The following RPL21 variants were observed in gnomAD, a reference collection of about 807,000 sequenced individuals.
The protein encoded by RPL21 is large ribosomal subunit protein eL21.
In RPL21, 1 loss-of-function variant was observed where a neutral mutation model predicts 21.2. The ratio of observed to expected loss-of-function variants is 0.05; its 90% CI spans 0.02 to 0.22. The LOEUF (loss-of-function observed/expected upper bound fraction) is 0.22, where lower values mean the gene tolerates loss of function less well. Ranked by LOEUF, RPL21 falls within the 10% of genes least tolerant of loss-of-function variation. The pLI is 1.00. For missense variants in RPL21, 113 were observed against 199.4 expected, an observed-to-expected ratio of 0.57 and a Z score of 2.61; for synonymous variants, 52 against 62.9, an observed-to-expected ratio of 0.83 and a Z score of 0.82.
At chr13:27,253,308 T>C (rs1456073847) in intron 1 of RPL21, among the ~76,000 whole-genome samples, 1 of 152,244 alleles carries the variant, frequency 6.6e-6, no homozygotes, top group African/African-American at 2.4e-5. Flanking sequence ...GTTAAATAGA[T>C]GATGTTTGAG....
At chr13:27,255,973 A>G (rs1383938609) in intron 4 of RPL21, 1 of 554,816 alleles carries the variant, frequency 1.8e-6, no homozygotes, top group Non-Finnish European at 3.2e-6. Flanking sequence ...TCATCTCATC[A>G]AAGAGAGTTA....
At chr13:27,253,934 A>C (rs1045969582) in intron 2 of RPL21, 91 bp downstream of exon 2, 4 of 811,942 alleles carry the variant, frequency 4.9e-6, no homozygotes, top group Non-Finnish European at 8.8e-6. Context: ...AATGTGTATC[A>C]ATAGAATTAA....
chr13:27,254,328 G>A (rs775630222), intron 3 of RPL21, 47 bp downstream of exon 3: 2 of 1,109,448 alleles, frequency 1.8e-6, no homozygotes, highest in Admixed American at 3.4e-5. Context: ...TAGAAAAGTT[G>A]GATTTAATCT....
chr13:27,254,461 T>A (rs746430156), intron 3 of RPL21, 180 bp downstream of exon 3: 1 of 550,522 alleles, frequency 1.8e-6, no homozygotes, highest in Non-Finnish European at 3.1e-6. Context: ...AATGGCATGA[T>A]CTCACCTCAA....
intron 4 of RPL21, chr13:27,255,642 G>A: frequency 2.0e-6 from 1 of 494,788 alleles, no homozygotes; most frequent in Non-Finnish European, 3.9e-6. Context: ...TGGGATCTCT[G>A]CTCTCTGCAA....
intron 4 of RPL21, chr13:27,255,594 C>G: frequency 3.1e-6 from 2 of 640,262 alleles, no homozygotes; most frequent in Non-Finnish European, 5.8e-6. Flanking sequence ...TGTTTCGAGA[C>G]GGAGTCTTGC....
intron 4 of RPL21, chr13:27,255,576 G>GT (rs763891327): frequency 1.4e-6 from 1 of 699,184 alleles, no homozygotes; most frequent in Non-Finnish European, 2.6e-6. Context: ...TAAGCGGTTT[G>GT]TTTGTTTTGT....
chr13:27,252,355 A>T (rs1300180808), intron 1 of RPL21, among the ~76,000 whole-genome samples: 1 of 152,174 alleles, frequency 6.6e-6, no homozygotes, highest in Non-Finnish European at 1.5e-5. Flanking sequence ...CATTTTGTCT[A>T]GTTTGTGGAC....
At chr13:27,256,357 A>C in intron 5 of RPL21, 23 bp downstream of exon 5, 1 of 1,607,204 alleles carries the variant, frequency 6.2e-7, no homozygotes, top group South Asian at 1.1e-5. Context: ...TGTATATTTC[A>C]TTGGTTCTGA....
At chr13:27,255,626 C>A in intron 4 of RPL21, 1 of 541,440 alleles carries the variant, frequency 1.8e-6, no homozygotes, top group Non-Finnish European at 3.5e-6. Flanking sequence ...GGCTGGAGTG[C>A]AGTGGTGGGA....
chr13:27,256,100 TAATA>T, intron 4 of RPL21, 80 bp from the exon 5 acceptor site: 1 of 1,027,522 alleles, frequency 9.7e-7, no homozygotes, highest in Non-Finnish European at 1.5e-6. Context: ...ATGGTTTATT[TAATA>T]AATGAAACTG....
intron 1 of RPL21, among the ~76,000 whole-genome samples, chr13:27,252,165 C>T (rs756205512): frequency 6.6e-6 from 1 of 152,138 alleles, no homozygotes; most frequent in Non-Finnish European, 1.5e-5. Flanking sequence ...CCTCACTGCC[C>T]TTAGTTAATG....
chr13:27,256,052 C>T, intron 4 of RPL21, 132 bp from the exon 5 acceptor site: 1 of 709,292 alleles, frequency 1.4e-6, no homozygotes, highest in Middle Eastern at 3.8e-4. Context: ...GTAATCAAGG[C>T]ATACTTTGTT....
intron 1 of RPL21, among the ~76,000 whole-genome samples, chr13:27,252,575 T>G (rs926893561): frequency 6.6e-6 from 1 of 152,186 alleles, no homozygotes; most frequent in Non-Finnish European, 1.5e-5. Flanking sequence ...GTTAACTGAT[T>G]ATGCCACTTG....
At chr13:27,255,458 C>A (rs781138382) in intron 4 of RPL21, 104 bp downstream of exon 4, 1 of 773,398 alleles carries the variant, frequency 1.3e-6, no homozygotes, top group East Asian at 2.4e-5. Flanking sequence ...TCAAGTGGGG[C>A]AAAGGAAATA....
chr13:27,253,800 G>A lies in RPL21; in HGVS notation c.24G>A (p.Arg8=). The change falls in exon 2 of 6, where the codon AGG becomes AGA. Residue 8 remains arginine (R), a synonymous_variant. Coordinates refer to ENST00000311549, the MANE Select transcript of RPL21 (RefSeq NM_000982.4). ...AAATGACGAACACAAAGGGAAAGAG[G>A]AGAGGCACCCGATATATGTTCTCTA... is the stretch of plus-strand genomic sequence containing the variant. MTNTKGK[R]RGTRYMFSRP... 2 of 1,608,722 alleles carry A rather than the reference G, an allele frequency of 1.2e-6. No individual in the cohort carries two copies. Among genetic ancestry groups the A allele is most frequent in the South Asian group, 1.1e-5 (1 of 90,996 alleles).
In RPL21 at chr13:27,255,610, C is replaced by G. The variant is rs7325446; in HGVS notation, c.242+256C>G. 3,329 of 581,168 alleles carry G rather than the reference C, an allele frequency of 5.7e-3. 82 individuals are homozygous for G. The highest frequency in any genetic ancestry group is 0.053 in the African/African-American group (2,920 of 54,862). 36.0% of individuals were successfully genotyped at this position (581,168 alleles called of 1,614,324 possible). On this transcript the variant is annotated intron_variant, in intron 4 of 5. Coordinates refer to ENST00000311549, the MANE Select transcript of RPL21 (RefSeq NM_000982.4). Reference sequence around the variant, plus strand: ...GTTTCGAGACGGAGTCTTGCTCTGTCGCCCTGGCTGGAGTGCAGTGGTGGG... The same window carrying G: ...GTTTCGAGACGGAGTCTTGCTCTGTGGCCCTGGCTGGAGTGCAGTGGTGGG...
At chr13:27,255,449 C>G in intron 4 of RPL21, 95 bp downstream of exon 4, 1 of 776,212 alleles carries the variant, frequency 1.3e-6, no homozygotes, top group Non-Finnish European at 2.4e-6. Context: ...ATTGGTCATT[C>G]AAGTGGGGCA....
intron 3 of RPL21, 130 bp downstream of exon 3, chr13:27,254,411 T>TTTTTG: frequency 2.6e-5 from 17 of 647,418 alleles, no homozygotes; most frequent in Non-Finnish European, 4.1e-5. Context: ...TTTTTTTTTT[T>TTTTTG]GGAGACGGAG....
Sources: allele counts gnomAD v4.1 joint callset (sites outside exome capture counted in the v4.1 genomes callset), GRCh38; gene constraint gnomAD v4.1.1; transcripts MANE v1.5; gene names NCBI Gene and HGNC (gene_info 2026-07-23, HGNC 2026-07-21).